The following EIF3A variants were observed in gnomAD, a reference collection of about 807,000 sequenced individuals.
EIF3A encodes EIF3, p180 subunit.
A neutral mutation model predicts 186.6 loss-of-function variants in EIF3A; 21 were observed. The observed-to-expected ratio is 0.11, with a 90% CI of 0.08 to 0.16. EIF3A has a LOEUF of 0.16. Among genes scored for constraint, EIF3A ranks in the 10% least tolerant of loss-of-function variants. EIF3A has a pLI of 1.00. For synonymous variants in EIF3A, 563 were observed against 584.3 expected (o/e 0.96, Z 0.52); for missense variants, 1,306 against 1,796.3 (o/e 0.73, Z 4.93).
rs760317450 is a variant in EIF3A at position 119,056,864 on chromosome 10, C to G, written c.2083-11G>C. ...TTCAAAATAGTCAATCTGAATGACA[C>G]GAAAACACACGTAGTTTTAAAAAAT... On this transcript the variant is annotated splice_polypyrimidine_tract_variant and intron_variant, in intron 13 of 21. Transcript: ENST00000369144. The G allele has an allele frequency of 1.3e-5, 21 of 1,600,202 alleles. No individual in the cohort carries two copies. Among genetic ancestry groups the G allele is most frequent in the Non-Finnish European group, 1.7e-5 (20 of 1,167,646 alleles).
In EIF3A at chr10:119,059,374, C is replaced by A. The variant is rs766711671; in HGVS notation, c.1467G>T (p.Arg489=). Reference sequence around the variant, plus strand: ...TCAAATCAGATCCAAAACTCAGGGTCCGAGAAGTGTGATCAATACGAACCT... The same window carrying A: ...TCAAATCAGATCCAAAACTCAGGGTACGAGAAGTGTGATCAATACGAACCT... ...DLQVRIDHTS[R]TLSFGSDLNY... Residue 489 remains arginine, a synonymous_variant, in exon 11 of 22, where the codon CGG becomes CGT. Coordinates refer to ENST00000369144, the MANE Select transcript of EIF3A (RefSeq NM_003750.4). The A allele has an allele frequency of 6.3e-7, 1 of 1,599,480 alleles. No homozygotes were observed. Among genetic ancestry groups the A allele is most frequent in the Admixed American group, 1.8e-5 (1 of 56,540 alleles).
chr10:119,076,122 G>C (rs1589698029), intron 1 of EIF3A, among the ~76,000 whole-genome samples: 2 of 150,810 alleles, frequency 1.3e-5, no homozygotes, highest in Admixed American at 1.3e-4. Context: ...CACGAGGTCA[G>C]GAGATCGAGA....
At chr10:119,066,909 T>C (rs1433382494) in intron 6 of EIF3A, among the ~76,000 whole-genome samples, 1 of 152,174 alleles carries the variant, frequency 6.6e-6, no homozygotes, top group Non-Finnish European at 1.5e-5. Flanking sequence ...GAACATGTTT[T>C]TCCTTAAAAC....
rs1260322893 is a variant in EIF3A, at chr10:119,035,920, G to A, written c.*119C>T. ...GGATTAATACAAGTTCATGCTTTTT[G>A]TGTTATGGTGAAACAACATTAAAGA... On this transcript the variant is annotated 3_prime_UTR_variant, in exon 22 of 22. Coordinates refer to ENST00000369144, the MANE Select transcript of EIF3A (RefSeq NM_003750.4). 1.4e-6 allele frequency: 1 copy of A among 728,934 alleles called. No homozygotes were observed. The highest frequency in any genetic ancestry group is 2.7e-5 in the East Asian group (1 of 37,400). 45.2% of individuals were successfully genotyped at this position (728,934 alleles called of 1,614,324 possible). A position where few individuals can be genotyped will look rare whatever the true frequency, so the allele number is the denominator to read the frequency against.
rs2271363 is a variant in EIF3A at position 119,050,767 on chromosome 10, A to G, written c.2320-93T>C. 18,451 of 1,386,530 alleles carry G rather than the reference A, an allele frequency of 0.013. 1,108 individuals are homozygous for G. The African/African-American group carries it at 0.16, about 12-fold the overall frequency. The allele number at this position is 1,386,530 out of a possible 1,614,324, so 85.9% of individuals were successfully genotyped here. ...CTATTAGGTTTACAAAAGACTCTCA[A>G]GTGTATCAGAATCATCGAAAGCAAC... On this transcript the variant is annotated intron_variant, in intron 15 of 21. Coordinates refer to ENST00000369144, the MANE Select transcript of EIF3A (RefSeq NM_003750.4).
intron 1 of EIF3A, among the ~76,000 whole-genome samples, chr10:119,074,952 T>C (rs1334095439): frequency 6.9e-5 from 6 of 87,578 alleles, no homozygotes; most frequent in African/African-American, 1.6e-4. Flanking sequence ...GGGAAAAAAA[T>C]GGAATACAAA....
In EIF3A at chr10:119,073,885, A is replaced by C. The variant is rs1844116426; in HGVS notation, c.102T>G (p.Val34=). 6.2e-7 allele frequency: 1 copy of C among 1,610,774 alleles called. No individual in the cohort carries two copies. Among genetic ancestry groups the C allele is most frequent in the Non-Finnish European group, 8.5e-7 (1 of 1,179,184 alleles). ...ATGTTCTATGTTTTTTACTTTTCAT[A>C]ACATCATAAAGAACATCCAGAGCAG... ...KQPALDVLYD[V]MKSKKHRTWQ... is the part of the protein sequence containing the mutation. Residue 34 remains valine, a synonymous_variant, in exon 2 of 22, where the codon GTT becomes GTG. Transcript: ENST00000369144.
At chr10:119,077,017 A>AGTATCAGCATTT (rs1844187255) in intron 1 of EIF3A, among the ~76,000 whole-genome samples, 1 of 152,146 alleles carries the variant, frequency 6.6e-6, no homozygotes, top group South Asian at 2.1e-4. Flanking sequence ...ATCAGCAAAA[A>AGTATCAGCATTT]ACTTGGGAGT....
intron 14 of EIF3A, among the ~76,000 whole-genome samples, chr10:119,055,122 C>G (rs1426992725): frequency 6.6e-6 from 1 of 152,102 alleles, no homozygotes; most frequent in African/African-American, 2.4e-5. Flanking sequence ...GCCAGAGAAT[C>G]ACTTGAACCC....
intron 4 of EIF3A, among the ~76,000 whole-genome samples, chr10:119,072,448 GTTTTGTT>G (rs1844092230): frequency 6.6e-6 from 1 of 151,052 alleles, no homozygotes; most frequent in Non-Finnish European, 1.5e-5. Flanking sequence ...GTTTTGTTTT[GTTTTGTT>G]TTGTTTTGTT....
chr10:119,070,038 T>G (rs1361354540), intron 5 of EIF3A, among the ~76,000 whole-genome samples: 1 of 152,068 alleles, frequency 6.6e-6, no homozygotes, highest in East Asian at 1.9e-4. Flanking sequence ...ATAATGGGCA[T>G]GTTTACTTAT....
At chr10:119,040,498 G>C (rs1848193179) in intron 19 of EIF3A, among the ~76,000 whole-genome samples, 1 of 152,220 alleles carries the variant, frequency 6.6e-6, no homozygotes, top group Non-Finnish European at 1.5e-5. Flanking sequence ...GGCTGTGTTA[G>C]ACATTCAGTA....
intron 17 of EIF3A, among the ~76,000 whole-genome samples, chr10:119,048,792 C>T (rs1172707371): frequency 1.3e-5 from 2 of 152,084 alleles, no homozygotes; most frequent in Non-Finnish European, 2.9e-5. Flanking sequence ...CTCCCTCAGC[C>T]TCTCAAGTAG....
chr10:119,063,231 A>C (rs1843918401), intron 7 of EIF3A, among the ~76,000 whole-genome samples: 3 of 152,162 alleles, frequency 2.0e-5, no homozygotes. Flanking sequence ...CATAAACAGA[A>C]AGTTGAACTC....
Position 119,056,863 on chromosome 10 carries a change from A to C in EIF3A, c.2083-10T>G, listed in dbSNP as rs187065888. 3 of 1,600,232 alleles carry C rather than the reference A, an allele frequency of 1.9e-6. No homozygotes were observed. Among genetic ancestry groups the C allele is most frequent in the Non-Finnish European group, 2.6e-6 (3 of 1,167,634 alleles). On this transcript the variant is annotated splice_polypyrimidine_tract_variant and intron_variant, in intron 13 of 21. Transcript: ENST00000369144. ...TTTCAAAATAGTCAATCTGAATGAC[A>C]CGAAAACACACGTAGTTTTAAAAAA...
intron 6 of EIF3A, among the ~76,000 whole-genome samples, chr10:119,068,783 G>C (rs10886377): frequency 0.32 from 49,164 of 151,644 alleles, 8,722 homozygotes; most frequent in Non-Finnish European, 0.4. Context: ...GACCAGCCTG[G>C]CCAATATGGT....
intron 11 of EIF3A, 135 bp downstream of exon 11, chr10:119,059,076 CA>C (rs1336499394): frequency 1.4e-6 from 1 of 717,852 alleles, no homozygotes; most frequent in Non-Finnish European, 2.3e-6. Flanking sequence ...ACAAAACTAC[CA>C]AGTACAATTC....
chr10:119,045,649 ACT>A (rs1163131365), intron 17 of EIF3A, among the ~76,000 whole-genome samples: 2 of 151,872 alleles, frequency 1.3e-5, no homozygotes, highest in Non-Finnish European at 2.9e-5. Flanking sequence ...AAAAGAAGTA[ACT>A]CTGCCTCCTG....
At chr10:119,059,135 C>A in intron 11 of EIF3A, 77 bp downstream of exon 11, 1 of 1,191,962 alleles carries the variant, frequency 8.4e-7, no homozygotes, top group Non-Finnish European at 1.2e-6. Flanking sequence ...TGTCTCAAAC[C>A]TTTTTGTAAA....
Sources: gnomAD v4.1 joint callset for allele counts (sites outside exome capture counted in the v4.1 genomes callset) on GRCh38, gnomAD v4.1.1 for gene constraint, MANE v1.5 for transcripts, NCBI Gene and HGNC (gene_info 2026-07-23, HGNC 2026-07-21) for gene names.